Variants in COG3 observed in about 807,000 individuals in gnomAD.
COG3 encodes conserved oligomeric Golgi complex subunit 3.
COG3 carries 32 observed loss-of-function variants against 114.1 expected under a neutral mutation model. The observed-to-expected ratio is 0.28, with a 90% CI of 0.21 to 0.38. The LOEUF is 0.38. COG3 is among the 10% of genes least tolerant of loss of function. COG3 has a pLI of 1.00. For synonymous variants in COG3, 352 were observed against 365.7 expected (o/e 0.96, Z 0.43); for missense variants, 813 against 973.2 (o/e 0.84, Z 2.19).
In COG3 at chr13:45,481,236, CTTG is replaced by C; in HGVS notation, c.560_562del (p.Val187del). 1 of 1,584,254 alleles carries C rather than the reference CTTG, an allele frequency of 6.3e-7. No homozygotes were observed. Among genetic ancestry groups the C allele is most frequent in the Non-Finnish European group, 8.6e-7 (1 of 1,156,496 alleles). On this transcript the variant is annotated inframe_deletion, in exon 5 of 23. Transcript: ENST00000349995. Reference sequence around the variant, plus strand: ...CTCTTTTAAAAAATGCAAGTCGGAACTTGTTGATCTGGCTGAAAACATTCAACA... The same window carrying C: ...CTCTTTTAAAAAATGCAAGTCGGAACTTGATCTGGCTGAAAACATTCAACA...
intron 22 of COG3, among the ~76,000 whole-genome samples, chr13:45,533,504 A>G (rs1873347591): frequency 6.6e-6 from 1 of 152,106 alleles, no homozygotes; most frequent in Non-Finnish European, 1.5e-5. Context: ...GTGCTCCTGT[A>G]CTGCTAAATA....
chr13:45,514,739 C>G (rs1045637705), intron 16 of COG3, among the ~76,000 whole-genome samples: 1 of 152,028 alleles, frequency 6.6e-6, no homozygotes, highest in African/African-American at 2.4e-5. Flanking sequence ...GCTCCGCCTC[C>G]CAGGTTCACG....
Position 45,483,249 on chromosome 13 carries a change from C to G in COG3, c.737C>G (p.Pro246Arg), listed in dbSNP as rs1196923328. 6 of 1,581,914 alleles carry G rather than the reference C, an allele frequency of 3.8e-6. No homozygotes were observed. The highest frequency in any genetic ancestry group is 5.2e-6 in the Non-Finnish European group (6 of 1,152,282). ...TTACAGCCTAATTTTAAAGATTATC[C>G]CATATATTTGCTGAAGTTTAAACAG... The part of the protein sequence containing the change: ...ISSHPNFKDY[P>R]IYLLKFKQCL... The change falls in exon 7 of 23, where the codon CCC becomes CGC. Residue 246 changes from proline (P) to arginine (R), a missense_variant. Pro to Arg is a moderately radical substitution (Grantham distance 103). Around this residue, in one of 2 missense-constraint regions of COG3, gnomAD observed 424 missense variants for 430.6 expected, o/e 0.98. Coordinates refer to ENST00000349995, the MANE Select transcript of COG3 (RefSeq NM_031431.4).
intron 20 of COG3, among the ~76,000 whole-genome samples, chr13:45,528,719 A>G (rs557393603): frequency 2.3e-4 from 35 of 152,312 alleles, no homozygotes; most frequent in Middle Eastern, 3.4e-3. Context: ...GCCTTTCTGT[A>G]TAGCATATCC....
intron 10 of COG3, among the ~76,000 whole-genome samples, 181 bp downstream of exon 10, chr13:45,491,719 T>G (rs1040076423): frequency 4.6e-5 from 7 of 152,164 alleles, no homozygotes; most frequent in African/African-American, 1.7e-4. Flanking sequence ...ATATTCTCAT[T>G]TTTTACTTAT....
intron 7 of COG3, among the ~76,000 whole-genome samples, chr13:45,485,063 T>C (rs1348378629): frequency 3.0e-5 from 4 of 134,640 alleles, no homozygotes; most frequent in Non-Finnish European, 1.6e-5. Context: ...CCCGCCTTTC[T>C]ATTCCACAAA....
intron 16 of COG3, among the ~76,000 whole-genome samples, chr13:45,514,363 G>A (rs962357633): frequency 6.6e-6 from 1 of 152,100 alleles, no homozygotes; most frequent in African/African-American, 2.4e-5. Flanking sequence ...GTTTCACCGT[G>A]TTGGCCAGGC....
intron 8 of COG3, among the ~76,000 whole-genome samples, chr13:45,489,262 C>CAAAA (rs377551623): frequency 0.017 from 728 of 43,574 alleles, 134 homozygotes; most frequent in African/African-American, 0.061. Context: ...GACCCAGCCT[C>CAAAA]AAAAAAAAAA....
chr13:45,520,322 G>GAA (rs1555299500), intron 19 of COG3, among the ~76,000 whole-genome samples: 1 of 149,076 alleles, frequency 6.7e-6, no homozygotes, highest in African/African-American at 2.5e-5. Context: ...AATAAAAAAA[G>GAA]AGAAAGAAAG....
chr13:45,501,455 C>T (rs1869524332), intron 13 of COG3, among the ~76,000 whole-genome samples: 1 of 152,242 alleles, frequency 6.6e-6, no homozygotes, highest in Non-Finnish European at 1.5e-5. Context: ...GCTTTCACCA[C>T]TGGGAGCTCT....
chr13:45,503,637 A>G (rs1369050204), intron 14 of COG3, among the ~76,000 whole-genome samples: 2 of 152,096 alleles, frequency 1.3e-5, no homozygotes, highest in Non-Finnish European at 1.5e-5. Flanking sequence ...TGAGAGCTAT[A>G]ATGTGTTTAT....
chr13:45,476,711 T>TA (rs11374497), intron 2 of COG3, among the ~76,000 whole-genome samples: 108,379 of 151,982 alleles, frequency 0.71, 40,292 homozygotes, highest in Admixed American at 0.82. Context: ...AGTCCTTTTT[T>TA]AAAAAACCCA....
At chr13:45,512,588 C>G (rs934309947) in intron 16 of COG3, among the ~76,000 whole-genome samples, 1 of 151,672 alleles carries the variant, frequency 6.6e-6, no homozygotes, top group Admixed American at 6.6e-5. Context: ...CCACCTTGGC[C>G]TCCCAGAGTG....
At chr13:45,501,101 G>A (rs1321339549) in intron 13 of COG3, among the ~76,000 whole-genome samples, 1 of 152,240 alleles carries the variant, frequency 6.6e-6, no homozygotes, top group Non-Finnish European at 1.5e-5. Context: ...CCATCTGGCT[G>A]AAGTAGTGTT....
rs1220929752 is a variant in COG3 at position 45,527,345 on chromosome 13, TGAG to T, written c.2230+2298_2230+2300del. Among the ~76,000 whole-genome samples, 8 of 152,310 alleles carry T rather than the reference TGAG, an allele frequency of 5.3e-5. No individual in the cohort carries two copies. The East Asian group carries it at 1.3e-3, about 26-fold the overall frequency. On this transcript the variant is annotated intron_variant, in intron 20 of 22. Coordinates refer to ENST00000349995, the MANE Select transcript of COG3 (RefSeq NM_031431.4). ...TTTAACCCAGTTCCTTCTTTCTTAG[TGAG>T]GAGATCTTAGTGAATATAGCAATGA...
intron 19 of COG3, among the ~76,000 whole-genome samples, chr13:45,523,616 GTTTATA>G (rs1408721766): frequency 1.1e-4 from 16 of 152,084 alleles, no homozygotes; most frequent in African/African-American, 3.9e-4. Context: ...TAATATACTA[GTTTATA>G]TTTGTTTTTA....
intron 8 of COG3, among the ~76,000 whole-genome samples, chr13:45,489,743 A>G (rs1886907713): frequency 6.6e-6 from 1 of 152,014 alleles, no homozygotes; most frequent in Non-Finnish European, 1.5e-5. Context: ...GGTTGGGGTG[A>G]TTTAATTTTT....
chr13:45,488,985 T>C (rs1056804889), intron 8 of COG3, among the ~76,000 whole-genome samples: 1 of 151,474 alleles, frequency 6.6e-6, no homozygotes, highest in Non-Finnish European at 1.5e-5. Flanking sequence ...TTTAGGAGTT[T>C]GAGACCAGCC....
intron 1 of COG3, among the ~76,000 whole-genome samples, chr13:45,471,807 A>G (rs1236399668): frequency 6.6e-6 from 1 of 151,536 alleles, no homozygotes; most frequent in East Asian, 1.9e-4. Flanking sequence ...ATCTCGGCTC[A>G]CTGCAACCTC....
Sources: allele counts gnomAD v4.1 joint callset (sites outside exome capture counted in the v4.1 genomes callset), GRCh38; gene constraint gnomAD v4.1.1; regional missense constraint gnomAD v4.1.1; transcripts MANE v1.5; gene names NCBI Gene and HGNC (gene_info 2026-07-23, HGNC 2026-07-21).